The following USP3 variants were observed in gnomAD, a reference collection of about 807,000 sequenced individuals.
The protein encoded by USP3 is ubiquitin specific peptidase 3.
In USP3, 20 loss-of-function variants were observed where a neutral mutation model predicts 72.3. That is an observed-to-expected ratio of 0.28 (90% CI 0.19 to 0.40). The LOEUF is 0.40. Ranked by LOEUF, USP3 falls within the 10% of genes least tolerant of loss-of-function variation. USP3 has a pLI of 1.00. For synonymous variants in USP3, 222 were observed against 225.3 expected, an observed-to-expected ratio of 0.99 and a Z score of 0.13; for missense variants, 479 against 633.9, an observed-to-expected ratio of 0.76 and a Z score of 2.62.
At chr15:63,523,383 G>C (rs768629004) in intron 1 of USP3, among the ~76,000 whole-genome samples, 3 of 152,174 alleles carry the variant, frequency 2.0e-5, no homozygotes, top group Non-Finnish European at 4.4e-5. Context: ...TAAAATAGTA[G>C]AGCTACAACT....
At position 63,570,473 on chromosome 15, in the gene USP3, C is replaced by T. The variant is rs1420070679; in HGVS notation, c.802C>T (p.Leu268Phe). 6.2e-7 allele frequency: 1 copy of T among 1,614,184 alleles called. No homozygotes were observed. Among genetic ancestry groups the T allele is most frequent in the Non-Finnish European group, 8.5e-7 (1 of 1,180,030 alleles). Residue 268 changes from leucine to phenylalanine, a missense_variant, in exon 9 of 15, where the codon CTT (leucine) becomes TTT (phenylalanine). Transcript: ENST00000380324. This position sits in a 1 kb window ranked among gnomAD's most constrained non-coding sequence, Gnocchi z 4.4. ...GGACGCCCATGAATTCATGCGCTAC[C>T]TTTTGGACCACCTACACTTGGAACT... ...QQDAHEFMRY[L>F]LDHLHLELQG...
chr15:63,575,840 T>C (rs1248551399), intron 11 of USP3, among the ~76,000 whole-genome samples: 1 of 152,214 alleles, frequency 6.6e-6, no homozygotes, highest in African/African-American at 2.4e-5. Context: ...TCTGGTTATT[T>C]ACAGTGGAAG....
chr15:63,523,012 G>C (rs1038583345), intron 1 of USP3, among the ~76,000 whole-genome samples: 1 of 152,112 alleles, frequency 6.6e-6, no homozygotes. Flanking sequence ...AACCTTATCT[G>C]TTAAAATGTG....
At chr15:63,557,462 C>T (rs985872283) in intron 5 of USP3, among the ~76,000 whole-genome samples, 5 of 152,230 alleles carry the variant, frequency 3.3e-5, no homozygotes, top group Admixed American at 6.5e-5. Context: ...GGAGTTTCAC[C>T]GTGTTGCTCA....
chr15:63,520,554 ATTTTTT>A (rs35244583), intron 1 of USP3, among the ~76,000 whole-genome samples: 2 of 105,422 alleles, frequency 1.9e-5, no homozygotes, highest in East Asian at 3.0e-4. Context: ...TCTGTTTTAG[ATTTTTT>A]TTTTTTTTTT....
intron 1 of USP3, among the ~76,000 whole-genome samples, chr15:63,531,172 A>G (rs1399371115): frequency 2.0e-5 from 3 of 152,208 alleles, no homozygotes; most frequent in African/African-American, 7.2e-5. Context: ...GTGCTCTCCT[A>G]TTCTCACCTC....
rs188517426 is a variant in USP3, at chr15:63,591,236, A to C, written c.*410A>C. 66 of 164,384 alleles carry C rather than the reference A, an allele frequency of 4.0e-4. No homozygotes were observed. Among genetic ancestry groups the C allele is most frequent in the Admixed American group, 3.6e-3 (57 of 15,954 alleles). 10.2% of individuals were successfully genotyped at this position (164,384 alleles called of 1,614,324 possible). ...AACTGCCTGCTGCCTTTCCACAGCT[A>C]TAATGGACATCAGGTTGACTCTAAA... On this transcript the variant is annotated 3_prime_UTR_variant, in exon 15 of 15. Transcript: ENST00000380324.
rs2067127746 is a variant in USP3 at position 63,588,876 on chromosome 15, A to G, written c.1329+61A>G. 1.2e-6 allele frequency: 2 copies of G among 1,610,114 alleles called. No homozygotes were observed. Among genetic ancestry groups the G allele is most frequent in the Admixed American group, 1.7e-5 (1 of 59,974 alleles). ...GGCTCTTCAGTAAGATTGTCATCACATGGAGAGGGTAGAGGTCATCGAGAT... is the reference window on the plus strand; with the variant it reads ...GGCTCTTCAGTAAGATTGTCATCACGTGGAGAGGGTAGAGGTCATCGAGAT... On this transcript the variant is annotated intron_variant, in intron 13 of 14. Coordinates refer to ENST00000380324, the MANE Select transcript of USP3 (RefSeq NM_006537.4). This position sits in a 1 kb window ranked among gnomAD's most constrained non-coding sequence, Gnocchi z 4.6.
In USP3 at chr15:63,581,525, GGTGT is replaced by G. The variant is rs200425062; in HGVS notation, c.1097-6778_1097-6775del. Among the ~76,000 whole-genome samples the G allele has an allele frequency of 7.0e-3, 1,052 of 149,782 alleles. 17 individuals carry two copies. The highest frequency in any genetic ancestry group is 0.025 in the African/African-American group (1,001 of 40,086). ...AGCCTCCTGAGTAGCTGGGACTACA[GGTGT>G]GCAGCCACCACACCCGGCTAATTTT... On this transcript the variant is annotated intron_variant, in intron 11 of 14. Transcript: ENST00000380324.
chr15:63,583,930 C>G (rs1202392038), intron 11 of USP3, among the ~76,000 whole-genome samples: 2 of 152,224 alleles, frequency 1.3e-5, no homozygotes, highest in South Asian at 2.1e-4. Flanking sequence ...GCTATGAACA[C>G]TGGTGTAGAA....
intron 8 of USP3, among the ~76,000 whole-genome samples, chr15:63,567,862 AAG>A (rs1318120352): frequency 6.6e-6 from 1 of 152,186 alleles, no homozygotes; most frequent in African/African-American, 2.4e-5. Context: ...AAACCTTGTG[AAG>A]AGACAGTTGC....
intron 8 of USP3, among the ~76,000 whole-genome samples, chr15:63,563,356 T>C (rs1431724750): frequency 6.6e-6 from 1 of 152,242 alleles, no homozygotes; most frequent in Non-Finnish European, 1.5e-5. Context: ...TGTCTTGTTA[T>C]TCCAGCTAAA....
At position 63,588,619 on chromosome 15, in the gene USP3, T is replaced by C. The variant is rs771200984; in HGVS notation, c.1216-83T>C. The C allele has an allele frequency of 1.5e-5, 16 of 1,089,932 alleles. No individual in the cohort carries two copies. The highest frequency in any genetic ancestry group is 2.1e-5 in the Non-Finnish European group (15 of 727,416). The allele number at this position is 1,089,932 out of a possible 1,614,324, so 67.5% of individuals were successfully genotyped here. A position where few individuals can be genotyped will look rare whatever the true frequency, so the allele number is the denominator to read the frequency against. ...ATTGATAGGGCAGCTAAAATGTTAT[T>C]TACTGAACTGATAGTAGTATCAAAC... On this transcript the variant is annotated intron_variant, in intron 12 of 14. Coordinates refer to ENST00000380324, the MANE Select transcript of USP3 (RefSeq NM_006537.4). This position sits in a 1 kb window ranked among gnomAD's most constrained non-coding sequence, Gnocchi z 4.6.
intron 2 of USP3, 99 bp downstream of exon 2, chr15:63,532,806 G>A: frequency 1.5e-6 from 2 of 1,293,906 alleles, no homozygotes; most frequent in South Asian, 2.5e-5. Flanking sequence ...TAGTACCATT[G>A]TTAATCATAA....
chr15:63,584,436 C>T (rs767358812), intron 11 of USP3, among the ~76,000 whole-genome samples: 2 of 152,054 alleles, frequency 1.3e-5, no homozygotes, highest in Non-Finnish European at 2.9e-5. Flanking sequence ...CTAGCTAACA[C>T]GTTATTTTCT....
intron 1 of USP3, among the ~76,000 whole-genome samples, chr15:63,512,829 A>C (rs575539012): frequency 9.8e-5 from 15 of 152,350 alleles, no homozygotes; most frequent in African/African-American, 3.4e-4. Context: ...TTAGGAAGGC[A>C]ATTTCAGATT....
At chr15:63,513,911 C>T (rs1423823251) in intron 1 of USP3, among the ~76,000 whole-genome samples, 2 of 152,128 alleles carry the variant, frequency 1.3e-5, no homozygotes, top group African/African-American at 4.8e-5. Flanking sequence ...ACTGTGGGAG[C>T]AACAATGGTA....
chr15:63,517,452 C>A (rs748754015), intron 1 of USP3, among the ~76,000 whole-genome samples: 1 of 152,018 alleles, frequency 6.6e-6, no homozygotes, highest in Non-Finnish European at 1.5e-5. Flanking sequence ...ATGATTCTTT[C>A]AGATTGGAGG....
intron 5 of USP3, among the ~76,000 whole-genome samples, chr15:63,557,464 TGTTGCTCAGGCTG>T (rs1368770145): frequency 6.6e-6 from 1 of 152,158 alleles, no homozygotes; most frequent in African/African-American, 2.4e-5. Flanking sequence ...AGTTTCACCG[TGTTGCTCAGGCTG>T]GTCTCGAACT....
Sources: allele counts gnomAD v4.1 joint callset (sites outside exome capture counted in the v4.1 genomes callset), GRCh38; gene constraint gnomAD v4.1.1; non-coding constraint Gnocchi (gnomAD v3.1); transcripts MANE v1.5; gene names NCBI Gene and HGNC (gene_info 2026-07-23, HGNC 2026-07-21).